MAN1A1: variants seen among roughly 807,000 people sequenced by gnomAD.
The protein encoded by MAN1A1 is mannosyl-oligosaccharide 1,2-alpha-mannosidase IA.
MAN1A1 carries 29 observed loss-of-function variants against 70.8 expected under a neutral mutation model. The observed-to-expected ratio is 0.41, with a 90% CI of 0.31 to 0.56. The LOEUF (loss-of-function observed/expected upper bound fraction) is 0.56, where lower values mean the gene tolerates loss of function less well. Ranked by LOEUF, MAN1A1 falls within the 20% of genes least tolerant of loss-of-function variation. The pLI is 0.29. For synonymous variants in MAN1A1, 349 were observed against 330.1 expected (o/e 1.06, Z -0.62); for missense variants, 747 against 841.3 (o/e 0.89, Z 1.39).
At chr6:119,303,450 T>C (rs1216162029) in intron 3 of MAN1A1, among the ~76,000 whole-genome samples, 2 of 152,232 alleles carry the variant, frequency 1.3e-5, no homozygotes, top group Non-Finnish European at 2.9e-5. Context: ...TTTTTCTTTG[T>C]CCTTTCTTCC....
chr6:119,180,370 G>T lies in MAN1A1; in HGVS notation c.1777C>A (p.Leu593Ile), dbSNP rs376729466. The change falls in exon 12 of 13, where the codon CTT becomes ATT. Residue 593 changes from leucine to isoleucine, a missense_variant. Physicochemically the swap from Leu to Ile is conservative, Grantham distance 5. Transcript: ENST00000368468. Reference sequence around the variant, plus strand: ...ACATCATCATAACTCTCATGAAGAAGGTAAACATCCCTTAGGCCTGAATAG... The same window carrying T: ...ACATCATCATAACTCTCATGAAGAATGTAAACATCCCTTAGGCCTGAATAG... ...GGYSGLRDVY[L>I]LHESYDDVQQ... The T allele has an allele frequency of 1.9e-6, 3 of 1,613,746 alleles. No individual in the cohort carries two copies. In the African/African-American group the frequency reaches 4.0e-5, roughly 22 times the overall value.
chr6:119,259,981 T>C (rs964896233), intron 5 of MAN1A1, among the ~76,000 whole-genome samples: 8 of 152,322 alleles, frequency 5.3e-5, no homozygotes, highest in South Asian at 2.1e-4. Flanking sequence ...ATGGTATTGA[T>C]TGCATTTTTT....
rs1364625545 is a variant in MAN1A1 at position 119,349,729 on chromosome 6, C to G, written c.-410G>C. 6.1e-6 allele frequency: 6 copies of G among 985,756 alleles called. No homozygotes were observed. The highest frequency in any genetic ancestry group is 5.2e-4 in the Middle Eastern group (1 of 1,914). 61.1% of individuals were successfully genotyped at this position (985,756 alleles called of 1,614,324 possible). On this transcript the variant is annotated 5_prime_UTR_variant, in exon 1 of 13. Transcript: ENST00000368468. ...GGGCGAATGGCAGCGAGTAGAGCAG[C>G]ACGGTACACTCCGCCGCGGCCCCGC...
intron 5 of MAN1A1, among the ~76,000 whole-genome samples, chr6:119,277,951 A>AGT (rs1253502186): frequency 7.4e-4 from 99 of 134,094 alleles, no homozygotes; most frequent in Non-Finnish European, 1.0e-3. Context: ...AAAAAAAAAA[A>AGT]AAAAAAAGTA....
At chr6:119,331,689 C>T (rs555354705) in intron 2 of MAN1A1, among the ~76,000 whole-genome samples, 12 of 151,328 alleles carry the variant, frequency 7.9e-5, no homozygotes, top group Non-Finnish European at 1.6e-4. Flanking sequence ...CTTTTCCAAA[C>T]AAACTGAGCA....
chr6:119,328,210 G>A (rs1582808209), intron 2 of MAN1A1, among the ~76,000 whole-genome samples: 1 of 152,210 alleles, frequency 6.6e-6, no homozygotes, highest in Non-Finnish European at 1.5e-5. Flanking sequence ...GTCACCCACT[G>A]CCACACCATG....
chr6:119,230,317 C>G (rs1047168152), intron 6 of MAN1A1, among the ~76,000 whole-genome samples: 3 of 152,170 alleles, frequency 2.0e-5, no homozygotes, highest in Non-Finnish European at 2.9e-5. Context: ...AACACAAACA[C>G]GACCATGTCC....
intron 4 of MAN1A1, among the ~76,000 whole-genome samples, chr6:119,298,897 A>T (rs1042949770): frequency 6.6e-6 from 1 of 152,054 alleles, no homozygotes; most frequent in African/African-American, 2.4e-5. Flanking sequence ...CGCCTGGCCA[A>T]CTTTTTAAAT....
intron 6 of MAN1A1, among the ~76,000 whole-genome samples, chr6:119,220,939 C>CT (rs1774343431): frequency 6.6e-6 from 1 of 151,968 alleles, no homozygotes; most frequent in Admixed American, 6.6e-5. Flanking sequence ...TCATAATATA[C>CT]TTTTTTCTTT....
chr6:119,283,543 A>G (rs9489663), intron 5 of MAN1A1, among the ~76,000 whole-genome samples: 57,314 of 151,718 alleles, frequency 0.38, 11,301 homozygotes, highest in Non-Finnish European at 0.41. Context: ...GAGAATGCAG[A>G]AAAGGAAGTG....
Position 119,232,460 on chromosome 6 carries a change from ATGAG to A in MAN1A1, c.992+15796_992+15799del, listed in dbSNP as rs142420882. On this transcript the variant is annotated intron_variant, in intron 6 of 12. Transcript: ENST00000368468. ...GACAGAGTGATAGCCTACAATGCCA[ATGAG>A]TGATAGCCTACAATGCCAATAAAAT... 5.8e-3 allele frequency among the ~76,000 whole-genome samples: 882 copies of A among 152,050 alleles called. 29 individuals are homozygous for A. In the East Asian group the frequency reaches 0.09, roughly 15 times the overall value.
chr6:119,194,104 T>C (rs1387186863), intron 8 of MAN1A1, among the ~76,000 whole-genome samples: 1 of 151,944 alleles, frequency 6.6e-6, no homozygotes, highest in East Asian at 1.9e-4. Flanking sequence ...ATTACCAGAG[T>C]AGTTTTGTAA....
intron 6 of MAN1A1, among the ~76,000 whole-genome samples, chr6:119,220,487 T>C (rs1774329771): frequency 6.6e-6 from 1 of 152,226 alleles, no homozygotes; most frequent in Non-Finnish European, 1.5e-5. Context: ...GTTAAACTTC[T>C]AGCCCTTCAT....
intron 8 of MAN1A1, among the ~76,000 whole-genome samples, chr6:119,196,781 A>G (rs956316570): frequency 6.6e-6 from 1 of 152,192 alleles, no homozygotes; most frequent in Non-Finnish European, 1.5e-5. Context: ...CAATCCCCCA[A>G]TGATGCTAGT....
rs552620885 is a variant in MAN1A1, at chr6:119,276,489, A to T, written c.897+14194T>A. ...TGTTAAAAATTGGAAGCCTGACCAG[A>T]TGATAGAGAGAAGTCTACTATAACT... On this transcript the variant is annotated intron_variant, in intron 5 of 12. Transcript: ENST00000368468. 4.6e-5 allele frequency among the ~76,000 whole-genome samples: 7 copies of T among 152,354 alleles called. No individual in the cohort carries two copies. In the East Asian group the frequency reaches 1.3e-3, roughly 29 times the overall value.
At position 119,279,337 on chromosome 6, in the gene MAN1A1, G is replaced by A. The variant is rs145289594; in HGVS notation, c.897+11346C>T. Among the ~76,000 whole-genome samples, 186 of 152,122 alleles carry A rather than the reference G, an allele frequency of 1.2e-3. 5 individuals carry two copies. In the East Asian group the frequency reaches 0.033, roughly 27 times the overall value. On this transcript the variant is annotated intron_variant, in intron 5 of 12. Coordinates refer to ENST00000368468, the MANE Select transcript of MAN1A1 (RefSeq NM_005907.4). The stretch of plus-strand genomic sequence containing the variant: ...ATGGTCTATACATTCAATAAATTCT[G>A]CCAATACTTTAAAATCCATGCCTTT...
intron 2 of MAN1A1, among the ~76,000 whole-genome samples, chr6:119,308,162 T>C (rs1772583445): frequency 6.6e-6 from 1 of 152,222 alleles, no homozygotes; most frequent in African/African-American, 2.4e-5. Context: ...AAACTGAGGT[T>C]TGGAAGTTAA....
At chr6:119,312,578 T>C (rs2114460758) in intron 2 of MAN1A1, among the ~76,000 whole-genome samples, 1 of 152,176 alleles carries the variant, frequency 6.6e-6, no homozygotes, top group East Asian at 1.9e-4. Context: ...TACATTTCCT[T>C]ATGGGAATGA....
chr6:119,209,771 A>C (rs1773991233), intron 6 of MAN1A1, among the ~76,000 whole-genome samples: 1 of 152,188 alleles, frequency 6.6e-6, no homozygotes, highest in African/African-American at 2.4e-5. Context: ...TAAGACCTGG[A>C]ATAACAATTC....
Sources: gnomAD v4.1 joint callset for allele counts (sites outside exome capture counted in the v4.1 genomes callset) on GRCh38, gnomAD v4.1.1 for gene constraint, MANE v1.5 for transcripts, NCBI Gene and HGNC (gene_info 2026-07-23, HGNC 2026-07-21) for gene names.